Variants in PHACTR2 observed in about 807,000 individuals in gnomAD.
PHACTR2 encodes chromosome 6 open reading frame 56.
PHACTR2 carries 30 observed loss-of-function variants against 76.0 expected under a neutral mutation model. That is an observed-to-expected ratio of 0.39 (90% CI 0.30 to 0.54). The LOEUF (loss-of-function observed/expected upper bound fraction) is 0.54, where lower values mean the gene tolerates loss of function less well. Ranked by LOEUF, PHACTR2 falls within the 20% of genes least tolerant of loss-of-function variation. The pLI is 0.61. For missense variants in PHACTR2, 696 were observed against 781.1 expected (o/e 0.89, Z 1.30); for synonymous variants, 292 against 292.5 (o/e 1.00, Z 0.02).
At position 143,597,636 on chromosome 6, in the gene PHACTR2, C is replaced by T. The variant is rs1380274910; in HGVS notation, c.217+60429C>T. Reference sequence around the variant, plus strand: ...AAAGGATTAAGGAGATCTGATTCCCCCTTCAAACAATACATGGTTCCATTT... The same window carrying T: ...AAAGGATTAAGGAGATCTGATTCCCTCTTCAAACAATACATGGTTCCATTT... On this transcript the variant is annotated intron_variant, in intron 1 of 11. Transcript: ENST00000367584. The surrounding 1 kb of genome is among the most constrained non-coding windows in gnomAD (Gnocchi z 5.7). 6.6e-6 allele frequency among the ~76,000 whole-genome samples: 1 copy of T among 152,106 alleles called. No homozygotes were observed. Among genetic ancestry groups the T allele is most frequent in the African/African-American group, 2.4e-5 (1 of 41,414 alleles).
Position 143,829,930 on chromosome 6 carries a change from A to C in PHACTR2, c.*6241A>C, listed in dbSNP as rs1776626737. On this transcript the variant is annotated 3_prime_UTR_variant, in exon 13 of 13. Coordinates refer to ENST00000440869, the MANE Select transcript of PHACTR2 (RefSeq NM_001100164.2). ...CAGAATGCCACTCTACCCTCAGGTC[A>C]ATTTTATGGTATATGAAAATGCCAG... The C allele has an allele frequency of 6.6e-6, 1 of 152,190 alleles. No homozygotes were observed. Among genetic ancestry groups the C allele is most frequent in the Admixed American group, 6.5e-5 (1 of 15,272 alleles). The allele number at this position is 152,190 out of a possible 1,614,324, so 9.4% of individuals were successfully genotyped here. A position where few individuals can be genotyped will look rare whatever the true frequency, so the allele number is the denominator to read the frequency against.
intron 1 of PHACTR2, among the ~76,000 whole-genome samples, chr6:143,638,599 A>ACC (rs1554216931): frequency 4.3e-4 from 65 of 149,826 alleles, no homozygotes; most frequent in African/African-American, 1.4e-3. Flanking sequence ...ACACACACAC[A>ACC]CCCAGCTATC....
At position 143,768,703 on chromosome 6, in the gene PHACTR2, A is replaced by T. The variant is rs542153593; in HGVS notation, c.1232+2905A>T. Among the ~76,000 whole-genome samples the T allele has an allele frequency of 7.2e-5, 11 of 152,344 alleles. 1 individual carries two copies. Among genetic ancestry groups the T allele is most frequent in the Non-Finnish European group, 7.4e-5 (5 of 68,022 alleles). On this transcript the variant is annotated intron_variant, in intron 6 of 12. Transcript: ENST00000440869. ...GAACTGTCAGACCAAAGAGGTAAGC[A>T]TCTGTTCTTCATTCCTACTGGGACT...
At chr6:143,713,995 T>C (rs1778244954) in intron 2 of PHACTR2, among the ~76,000 whole-genome samples, 1 of 152,196 alleles carries the variant, frequency 6.6e-6, no homozygotes, top group African/African-American at 2.4e-5. Flanking sequence ...AGAGGAAAAC[T>C]GATATATTCA....
upstream of PHACTR2, among the ~76,000 whole-genome samples, chr6:143,673,803 A>ACC (rs1230304536): frequency 2.6e-5 from 3 of 115,408 alleles, no homozygotes; most frequent in Non-Finnish European, 5.4e-5. Flanking sequence ...CGTGAGCCAC[A>ACC]CCCCGCCTCT....
chr6:143,704,977 C>G (rs767495490), intron 1 of PHACTR2, among the ~76,000 whole-genome samples: 1 of 150,248 alleles, frequency 6.7e-6, no homozygotes, highest in African/African-American at 2.5e-5. Flanking sequence ...CACACACGCT[C>G]CACCATGCCC....
chr6:143,590,077 C>T (rs933181060), intron 1 of PHACTR2, among the ~76,000 whole-genome samples: 1 of 152,018 alleles, frequency 6.6e-6, no homozygotes, highest in Non-Finnish European at 1.5e-5. Context: ...GTTTAAAATT[C>T]GTTAGTTTAC....
rs1776123136 is a variant in PHACTR2 at position 143,619,959 on chromosome 6, T to C, written c.13+11637T>C. 1.1e-5 allele frequency among the ~76,000 whole-genome samples: 1 copy of C among 93,146 alleles called. No individual in the cohort carries two copies. Among genetic ancestry groups the C allele is most frequent in the Admixed American group, 9.4e-5 (1 of 10,648 alleles). 61.1% of individuals were successfully genotyped at this position (93,146 alleles called of 152,430 possible). ...ACAGAACATGTCACTCGGTCGGGGG[T>C]GGGGGGTCAGTTCATTTGTTCAAAC... On this transcript the variant is annotated intron_variant, in intron 1 of 11. Coordinates refer to the PHACTR2 transcript ENST00000305766. This position sits in a 1 kb window ranked among gnomAD's most constrained non-coding sequence, Gnocchi z 4.5.
chr6:143,725,956 T>G (rs1009954820), intron 2 of PHACTR2, among the ~76,000 whole-genome samples: 1 of 152,258 alleles, frequency 6.6e-6, no homozygotes. Flanking sequence ...ATTCCATTTT[T>G]TGTTGAATAG....
Position 143,787,302 on chromosome 6 carries a change from C to G in PHACTR2, c.1708-1471C>G, listed in dbSNP as rs1380823774. Among the ~76,000 whole-genome samples, 2 of 152,246 alleles carry G rather than the reference C, an allele frequency of 1.3e-5. No homozygotes were observed. The highest frequency in any genetic ancestry group is 2.9e-5 in the Non-Finnish European group (2 of 68,040). ...TTTCCTTCTAGCCAGTTCTTAGGAG[C>G]AAGGGCTTCTCTACCTCCTTATTTC... On this transcript the variant is annotated intron_variant, in intron 10 of 12. Transcript: ENST00000440869. The surrounding 1 kb of genome is among the most constrained non-coding windows in gnomAD (Gnocchi z 4.6).
chr6:143,661,956 G>A (rs1776954050), intron 1 of PHACTR2, among the ~76,000 whole-genome samples: 1 of 152,074 alleles, frequency 6.6e-6, no homozygotes, highest in Admixed American at 6.6e-5. Flanking sequence ...TGCATTGGAG[G>A]GTGATGTGTG....
intron 9 of PHACTR2, among the ~76,000 whole-genome samples, chr6:143,779,565 G>A (rs368674360): frequency 6.6e-6 from 1 of 152,048 alleles, no homozygotes; most frequent in Non-Finnish European, 1.5e-5. Context: ...GGCCAGGCTG[G>A]TCTCGAACTC....
chr6:143,656,366 G>A lies in PHACTR2; in HGVS notation c.13+48044G>A, dbSNP rs1776849649. Among the ~76,000 whole-genome samples the A allele has an allele frequency of 6.6e-6, 1 of 152,310 alleles. No individual in the cohort carries two copies. The highest frequency in any genetic ancestry group is 1.5e-5 in the Non-Finnish European group (1 of 68,034). ...TCTTTTGGCTTCCCTGGGCCACATT[G>A]GAAGTAGAATTGTCTTGGGCCACAC... On this transcript the variant is annotated intron_variant, in intron 1 of 11. Coordinates refer to the PHACTR2 transcript ENST00000305766. This position sits in a 1 kb window ranked among gnomAD's most constrained non-coding sequence, Gnocchi z 5.3.
chr6:143,600,478 A>AT (rs1322675746), intron 1 of PHACTR2, among the ~76,000 whole-genome samples: 1 of 152,266 alleles, frequency 6.6e-6, no homozygotes, highest in Non-Finnish European at 1.5e-5. Context: ...ATAATAAAGT[A>AT]TAGGTACAGT....
At position 143,765,941 on chromosome 6, in the gene PHACTR2, G is replaced by C. The variant is rs1347649632; in HGVS notation, c.1232+143G>C. ...TAGGCATACATGTGATCCAACCATT[G>C]CTTTGTCAGAGCCCTGCCCTGGGAA... On this transcript the variant is annotated intron_variant, in intron 6 of 12. Transcript: ENST00000440869. This position sits in a 1 kb window ranked among gnomAD's most constrained non-coding sequence, Gnocchi z 4.1. 1.4e-6 allele frequency: 1 copy of C among 717,748 alleles called. No homozygotes were observed. The highest frequency in any genetic ancestry group is 2.3e-6 in the Non-Finnish European group (1 of 444,440). The allele number at this position is 717,748 out of a possible 1,614,324, so 44.5% of individuals were successfully genotyped here.
intron 1 of PHACTR2, among the ~76,000 whole-genome samples, chr6:143,685,984 T>C (rs982466752): frequency 3.9e-5 from 6 of 152,000 alleles, no homozygotes; most frequent in African/African-American, 1.4e-4. Context: ...ATATAGAAAT[T>C]AGCCAGGTGT....
upstream of PHACTR2, among the ~76,000 whole-genome samples, chr6:143,606,987 G>T (rs1166748021): frequency 6.6e-6 from 1 of 152,056 alleles, no homozygotes; most frequent in Non-Finnish European, 1.5e-5. Flanking sequence ...CATATCTATA[G>T]GAAATCCTGA....
At position 143,641,167 on chromosome 6, in the gene PHACTR2, G is replaced by A. The variant is rs893211494; in HGVS notation, c.13+32845G>A. Reference sequence around the variant, plus strand: ...GGGGGTTCAAACTTGCCATTTTATCGCAACATTAATCCCACCCTTTGCAGT... The same window carrying A: ...GGGGGTTCAAACTTGCCATTTTATCACAACATTAATCCCACCCTTTGCAGT... On this transcript the variant is annotated intron_variant, in intron 1 of 11. Coordinates refer to the PHACTR2 transcript ENST00000305766. The surrounding 1 kb of genome is among the most constrained non-coding windows in gnomAD (Gnocchi z 5.8). 1.3e-5 allele frequency among the ~76,000 whole-genome samples: 2 copies of A among 152,100 alleles called. No individual in the cohort carries two copies. Among genetic ancestry groups the A allele is most frequent in the Admixed American group, 6.5e-5 (1 of 15,272 alleles).
rs1393497698 is a variant in PHACTR2 at position 143,777,350 on chromosome 6, A to G, written c.1612A>G (p.Thr538Ala). ...LVRRLSQRPT[T>A]EELEQRNILK... ...TAGGAGGCTGAGCCAGAGGCCCACA[A>G]CTGAAGAATTAGAGCAAAGAAACAT... The change falls in exon 9 of 13, where the codon ACT becomes GCT. Residue 538 changes from threonine (T) to alanine (A), a missense_variant. Coordinates refer to ENST00000440869, the MANE Select transcript of PHACTR2 (RefSeq NM_001100164.2). This position sits in a 1 kb window ranked among gnomAD's most constrained non-coding sequence, Gnocchi z 4.6. 27 of 1,603,192 alleles carry G rather than the reference A, an allele frequency of 1.7e-5. 1 individual carries two copies. Among genetic ancestry groups the G allele is most frequent in the South Asian group, 3.3e-5 (3 of 90,446 alleles).
Sources: gnomAD v4.1 joint callset for allele counts (sites outside exome capture counted in the v4.1 genomes callset) on GRCh38, gnomAD v4.1.1 for gene constraint, Gnocchi (gnomAD v3.1) non-coding constraint, MANE v1.5 for transcripts, NCBI Gene and HGNC (gene_info 2026-07-23, HGNC 2026-07-21) for gene names.